Variants in LUZP2 observed in about 807,000 individuals in gnomAD.
The protein encoded by LUZP2 is leucine zipper protein 2.
In LUZP2, 52 loss-of-function variants were observed where a neutral mutation model predicts 51.6. That is an observed-to-expected ratio of 1.01 (90% CI 0.81 to 1.27). LUZP2 has a LOEUF of 1.27. LUZP2 is among the 50% of genes most tolerant of loss of function. The pLI is 0.00. For missense variants in LUZP2, 436 were observed against 395.4 expected (o/e 1.10, Z -0.87); for synonymous variants, 154 against 137.3 (o/e 1.12, Z -0.85).
At chr11:24,962,537 T>G (rs916505095) in intron 7 of LUZP2, among the ~76,000 whole-genome samples, 1 of 152,214 alleles carries the variant, frequency 6.6e-6, no homozygotes, top group Non-Finnish European at 1.5e-5. Context: ...ACTGATACCC[T>G]TTCTTCCAGT....
intron 1 of LUZP2, among the ~76,000 whole-genome samples, chr11:24,663,447 T>A (rs1230586477): frequency 6.6e-6 from 1 of 152,156 alleles, no homozygotes. Context: ...AATTAAACCT[T>A]TTTTCTTCAT....
chr11:24,619,008 ATTTATTTATT>A (rs1333364667), intron 1 of LUZP2, among the ~76,000 whole-genome samples: 1 of 76,866 alleles, frequency 1.3e-5, no homozygotes, highest in Admixed American at 1.1e-4. Context: ...ACTTAGCATT[ATTTATTTATT>A]TATTTATTTA....
chr11:24,643,183 C>A (rs888787576), intron 1 of LUZP2, among the ~76,000 whole-genome samples: 1 of 139,762 alleles, frequency 7.2e-6, no homozygotes, highest in Admixed American at 7.8e-5. Context: ...CGGAGGGAGG[C>A]AGATCACTTG....
At chr11:24,539,643 C>T (rs1851292423) in intron 1 of LUZP2, among the ~76,000 whole-genome samples, 1 of 151,910 alleles carries the variant, frequency 6.6e-6, no homozygotes, top group Admixed American at 6.6e-5. Flanking sequence ...TATCTATGGA[C>T]ATAAGGGGAA....
chr11:24,637,551 G>A (rs1329715006), intron 1 of LUZP2, among the ~76,000 whole-genome samples: 5 of 151,948 alleles, frequency 3.3e-5, no homozygotes, highest in African/African-American at 1.2e-4. Flanking sequence ...GAGAGATATT[G>A]CTGAATTCTT....
intron 5 of LUZP2, among the ~76,000 whole-genome samples, chr11:24,774,375 TATATATAC>T (rs1368469698): frequency 1.7e-4 from 20 of 117,956 alleles, no homozygotes; most frequent in East Asian, 2.4e-4. Flanking sequence ...TATATATATA[TATATATAC>T]ATACACACAC....
chr11:24,689,663 T>G (rs1229256934), intron 1 of LUZP2, among the ~76,000 whole-genome samples: 1 of 152,170 alleles, frequency 6.6e-6, no homozygotes, highest in Non-Finnish European at 1.5e-5. Context: ...TCTGAACTGC[T>G]ACCTACTTTA....
chr11:24,516,132 A>G (rs1850455493), intron 1 of LUZP2, among the ~76,000 whole-genome samples: 1 of 152,128 alleles, frequency 6.6e-6, no homozygotes, highest in African/African-American at 2.4e-5. Flanking sequence ...AATTGGGAAA[A>G]TAATCAATCT....
At chr11:24,566,099 C>T (rs1852203613) in intron 1 of LUZP2, among the ~76,000 whole-genome samples, 1 of 151,354 alleles carries the variant, frequency 6.6e-6, no homozygotes, top group Admixed American at 6.6e-5. Flanking sequence ...GCGACCCATG[C>T]ACATGAAAAT....
Position 24,576,617 on chromosome 11 carries a change from C to T in LUZP2, c.62+79312C>T, listed in dbSNP as rs181351959. Among the ~76,000 whole-genome samples, 971 of 151,846 alleles carry T rather than the reference C, an allele frequency of 6.4e-3. 10 individuals carry two copies. The highest frequency in any genetic ancestry group is 0.022 in the South Asian group (106 of 4,808). Reference sequence around the variant, plus strand: ...GAAAAAACACGCGTACAGACAGTGCCGAATTGCCAATGCCAAACATTCTAT... The same window carrying T: ...GAAAAAACACGCGTACAGACAGTGCTGAATTGCCAATGCCAAACATTCTAT... On this transcript the variant is annotated intron_variant, in intron 1 of 11. Coordinates refer to ENST00000336930, the MANE Select transcript of LUZP2 (RefSeq NM_001009909.4).
chr11:24,817,363 T>C (rs899200088), intron 5 of LUZP2, among the ~76,000 whole-genome samples: 1 of 151,986 alleles, frequency 6.6e-6, no homozygotes, highest in Non-Finnish European at 1.5e-5. Flanking sequence ...ATACAAAAAA[T>C]ATATCGTATT....
chr11:24,817,537 CTGTT>C (rs1396680166), intron 5 of LUZP2, among the ~76,000 whole-genome samples: 1 of 152,004 alleles, frequency 6.6e-6, no homozygotes, highest in African/African-American at 2.4e-5. Flanking sequence ...TTCAACAGAT[CTGTT>C]TGTCTTCAAC....
At chr11:24,922,025 G>C (rs968435818) in intron 7 of LUZP2, among the ~76,000 whole-genome samples, 14 of 152,236 alleles carry the variant, frequency 9.2e-5, no homozygotes, top group African/African-American at 3.4e-4. Flanking sequence ...TTTACTAGCA[G>C]AGTGAAGCTA....
intron 9 of LUZP2, among the ~76,000 whole-genome samples, chr11:25,032,147 A>G (rs886533768): frequency 6.6e-6 from 1 of 152,136 alleles, no homozygotes; most frequent in African/African-American, 2.4e-5. Context: ...CAGGGAGTGT[A>G]TTCCTCCCTA....
intron 7 of LUZP2, among the ~76,000 whole-genome samples, chr11:24,919,458 G>T (rs1401256024): frequency 1.6e-5 from 2 of 121,862 alleles, no homozygotes; most frequent in Non-Finnish European, 3.3e-5. Context: ...GACATATATT[G>T]ATAATATATG....
At chr11:24,565,705 G>A (rs1348985941) in intron 1 of LUZP2, among the ~76,000 whole-genome samples, 2 of 151,982 alleles carry the variant, frequency 1.3e-5, no homozygotes, top group African/African-American at 4.8e-5. Flanking sequence ...GAATACACAA[G>A]ATTACAAACA....
At chr11:24,858,030 G>A (rs1254636960) in intron 5 of LUZP2, among the ~76,000 whole-genome samples, 2 of 151,930 alleles carry the variant, frequency 1.3e-5, no homozygotes, top group East Asian at 3.9e-4. Context: ...TCTGGGATGA[G>A]GACTCTCACA....
At chr11:24,768,316 G>A (rs960370421) in intron 5 of LUZP2, among the ~76,000 whole-genome samples, 2 of 152,004 alleles carry the variant, frequency 1.3e-5, no homozygotes, top group Non-Finnish European at 2.9e-5. Context: ...TGTCATGTTG[G>A]CCAGGCTGGT....
chr11:24,997,812 G>A (rs1375663010), intron 9 of LUZP2, among the ~76,000 whole-genome samples: 2 of 152,102 alleles, frequency 1.3e-5, no homozygotes, highest in Non-Finnish European at 2.9e-5. Flanking sequence ...TGTAAGGAAG[G>A]GATCCAGTTT....
Sources: allele counts gnomAD v4.1 joint callset (sites outside exome capture counted in the v4.1 genomes callset), GRCh38; gene constraint gnomAD v4.1.1; transcripts MANE v1.5; gene names NCBI Gene and HGNC (gene_info 2026-07-23, HGNC 2026-07-21).